Variants in BLM observed in about 807,000 individuals in gnomAD.
BLM encodes recQ-like DNA helicase BLM.
In BLM, 95 loss-of-function variants were observed where a neutral mutation model predicts 135.3. The observed-to-expected ratio is 0.70, with a 90% CI of 0.59 to 0.83. The LOEUF (loss-of-function observed/expected upper bound fraction) is 0.83. Ranked by LOEUF, BLM falls within the 40% of genes least tolerant of loss-of-function variation. The pLI is 0.00. For synonymous variants in BLM, 520 were observed against 589.2 expected (o/e 0.88, Z 1.70); for missense variants, 1,518 against 1,663.9 (o/e 0.91, Z 1.53).
chr15:90,735,236 AATATATATATATATAT>A (rs60589046), intron 1 of BLM, among the ~76,000 whole-genome samples: 16 of 108,206 alleles, frequency 1.5e-4, no homozygotes, highest in South Asian at 3.1e-4. Context: ...TGCCTAAGTT[AATATATATATATATAT>A]ATATATATAT....
intron 17 of BLM, among the ~76,000 whole-genome samples, chr15:90,801,013 A>T (rs940823431): frequency 6.6e-6 from 1 of 151,788 alleles, no homozygotes; most frequent in African/African-American, 2.4e-5. Flanking sequence ...GCCGGGACTG[A>T]TGTTGTGCAC....
At chr15:90,759,912 TTAA>T in intron 5 of BLM, 3 of 372,518 alleles carry the variant, frequency 8.1e-6, no homozygotes, top group African/African-American at 3.5e-5. Context: ...CAGCCCCACT[TTAA>T]AAAAAAAAAA....
In BLM at chr15:90,754,819, A is replaced by G. The variant is rs146504061; in HGVS notation, c.968A>G (p.Lys323Arg). ...SSSSKCLSTL[K>R]DLDTSDRKED... ...ATTTTTTTTATTTGCAGTACGTTAA[A>G]GGACCTTGACACCTCTGACAGAAAA... Residue 323 changes from lysine to arginine, a missense_variant, in exon 5 of 22, where the codon AAG (lysine) becomes AGG (arginine). Physicochemically the swap from Lys to Arg is conservative, Grantham distance 26. This residue lies in a region of BLM where 724 missense variants were observed against 756.9 expected (regional missense o/e 0.96). Transcript: ENST00000355112. 8.9e-4 allele frequency: 1,441 copies of G among 1,613,702 alleles called. No homozygotes were observed. The highest frequency in any genetic ancestry group is 1.2e-3 in the Non-Finnish European group (1,361 of 1,179,872).
At chr15:90,789,680 G>A (rs1376479903) in intron 14 of BLM, among the ~76,000 whole-genome samples, 4 of 151,990 alleles carry the variant, frequency 2.6e-5, no homozygotes, top group African/African-American at 7.2e-5. Context: ...AGTTCCTTCC[G>A]CTGGTACTCA....
intron 12 of BLM, among the ~76,000 whole-genome samples, chr15:90,772,533 A>T (rs1433570682): frequency 6.6e-6 from 1 of 152,208 alleles, no homozygotes; most frequent in Non-Finnish European, 1.5e-5. Context: ...CTCATTCTAC[A>T]GGTGAGGAAA....
At chr15:90,736,693 A>G (rs1895226710) in intron 1 of BLM, among the ~76,000 whole-genome samples, 2 of 152,244 alleles carry the variant, frequency 1.3e-5, no homozygotes, top group African/African-American at 4.8e-5. Context: ...ACAATGGAGT[A>G]CTGTACAGCT....
intron 19 of BLM, among the ~76,000 whole-genome samples, chr15:90,805,207 T>C (rs1026386723): frequency 6.8e-6 from 1 of 147,612 alleles, no homozygotes; most frequent in African/African-American, 2.5e-5. Context: ...AGATAAAATA[T>C]GTTCTTTAAC....
At chr15:90,734,663 GCGCGCA>G (rs1028172555) in intron 1 of BLM, among the ~76,000 whole-genome samples, 5 of 145,368 alleles carry the variant, frequency 3.4e-5, no homozygotes, top group Non-Finnish European at 5.9e-5. Flanking sequence ...ACACACACAC[GCGCGCA>G]CGCACGCACA....
intron 19 of BLM, among the ~76,000 whole-genome samples, chr15:90,807,544 C>A (rs543677917): frequency 7.2e-5 from 11 of 152,112 alleles, no homozygotes; most frequent in Non-Finnish European, 1.5e-4. Flanking sequence ...GAACTACAGG[C>A]ATGTACCACC....
Position 90,794,360 on chromosome 15 carries a change from A to G in BLM, c.3210+3A>G. On this transcript the variant is annotated splice_donor_region_variant and intron_variant, in intron 16 of 21. Transcript: ENST00000355112. ...GTGATAATTGCTGTAAAACAAAGGT[A>G]AAAAAAGAAGTTTTAAAATTCTTTA... The G allele has an allele frequency of 1.3e-6, 2 of 1,569,980 alleles. No homozygotes were observed. The highest frequency in any genetic ancestry group is 1.7e-6 in the Non-Finnish European group (2 of 1,160,670).
At chr15:90,772,846 C>G (rs1215261592) in intron 12 of BLM, among the ~76,000 whole-genome samples, 1 of 152,054 alleles carries the variant, frequency 6.6e-6, no homozygotes, top group African/African-American at 2.4e-5. Context: ...GCCTGTAATC[C>G]CAGCACTTTG....
intron 1 of BLM, among the ~76,000 whole-genome samples, chr15:90,724,017 AT>A (rs1894839674): frequency 6.7e-6 from 1 of 149,370 alleles, no homozygotes; most frequent in East Asian, 1.9e-4. Flanking sequence ...ATTGTATTGT[AT>A]TTTATTATTT....
At chr15:90,805,927 G>C (rs1341779781) in intron 19 of BLM, among the ~76,000 whole-genome samples, 1 of 151,908 alleles carries the variant, frequency 6.6e-6, no homozygotes, top group African/African-American at 2.4e-5. Flanking sequence ...ACAAATATCT[G>C]CAACCTCCGC....
chr15:90,790,416 C>T (rs765673676), intron 14 of BLM: 31 of 539,426 alleles, frequency 5.7e-5, no homozygotes, highest in African/African-American at 9.5e-5. Flanking sequence ...AAGAAAGTGC[C>T]TGCCATGCTG....
chr15:90,776,649 G>A (rs1896484278), intron 12 of BLM, among the ~76,000 whole-genome samples: 1 of 152,136 alleles, frequency 6.6e-6, no homozygotes, highest in Non-Finnish European at 1.5e-5. Flanking sequence ...AACCCGCCAA[G>A]TAGCCAGGAC....
intron 1 of BLM, among the ~76,000 whole-genome samples, chr15:90,744,688 C>G (rs559106300): frequency 6.8e-6 from 1 of 146,552 alleles, no homozygotes; most frequent in African/African-American, 2.5e-5. Flanking sequence ...TACTTTTAAA[C>G]TGGATTCCAA....
intron 5 of BLM, among the ~76,000 whole-genome samples, chr15:90,757,942 C>T (rs972643738): frequency 3.3e-5 from 5 of 150,910 alleles, no homozygotes; most frequent in African/African-American, 1.2e-4. Flanking sequence ...AGTGCACTGG[C>T]GCAATCTCTG....
chr15:90,769,781 G>A (rs1293632770), intron 12 of BLM, among the ~76,000 whole-genome samples, 195 bp downstream of exon 12: 2 of 139,660 alleles, frequency 1.4e-5, no homozygotes, highest in East Asian at 4.5e-4. Context: ...AAATCCCCAA[G>A]TGATTACAAT....
At chr15:90,778,702 C>G (rs961851048) in intron 12 of BLM, among the ~76,000 whole-genome samples, 1 of 152,132 alleles carries the variant, frequency 6.6e-6, no homozygotes, top group Non-Finnish European at 1.5e-5. Flanking sequence ...CCATTGTAGA[C>G]GTCTACGACA....
Sources: allele counts gnomAD v4.1 joint callset (sites outside exome capture counted in the v4.1 genomes callset), GRCh38; gene constraint gnomAD v4.1.1; regional missense constraint gnomAD v4.1.1; transcripts MANE v1.5; gene names NCBI Gene and HGNC (gene_info 2026-07-23, HGNC 2026-07-21).